Variants in MECOM observed in about 807,000 individuals in gnomAD.
The protein encoded by MECOM is histone-lysine N-methyltransferase MECOM.
MECOM carries 13 observed loss-of-function variants against 116.3 expected under a neutral mutation model. The observed-to-expected ratio is 0.11, with a 90% CI of 0.07 to 0.18. MECOM has a LOEUF of 0.18. MECOM is among the 10% of genes least tolerant of loss of function. MECOM has a pLI of 1.00. For synonymous variants in MECOM, 528 were observed against 535.2 expected, an observed-to-expected ratio of 0.99 and a Z score of 0.19; for missense variants, 1,299 against 1,509.0, an observed-to-expected ratio of 0.86 and a Z score of 2.31.
chr3:169,433,670 AAAG>A (rs1470026499), intron 1 of MECOM, among the ~76,000 whole-genome samples: 5 of 147,664 alleles, frequency 3.4e-5, no homozygotes, highest in African/African-American at 1.3e-4. Flanking sequence ...AGAAAGAAAG[AAAG>A]AAAGAAAGAA....
chr3:169,451,603 C>A (rs1745612157), intron 1 of MECOM, among the ~76,000 whole-genome samples: 1 of 152,034 alleles, frequency 6.6e-6, no homozygotes, highest in African/African-American at 2.4e-5. Context: ...CTTAGAAGTT[C>A]CAGATAGTGA....
chr3:169,367,899 C>T (rs773020546), intron 2 of MECOM, among the ~76,000 whole-genome samples: 1 of 151,980 alleles, frequency 6.6e-6, no homozygotes, highest in Non-Finnish European at 1.5e-5. Flanking sequence ...GTCATGTGGA[C>T]CCAGCTCACA....
At chr3:169,258,201 CAGAG>C (rs1467524157) in intron 2 of MECOM, among the ~76,000 whole-genome samples, 3 of 151,616 alleles carry the variant, frequency 2.0e-5, no homozygotes, top group African/African-American at 4.8e-5. Flanking sequence ...GCCTGGGTGA[CAGAG>C]AAAGACTCCA....
At chr3:169,154,096 C>G (rs989408689) in intron 2 of MECOM, among the ~76,000 whole-genome samples, 1 of 151,958 alleles carries the variant, frequency 6.6e-6, no homozygotes, top group Non-Finnish European at 1.5e-5. Flanking sequence ...TGAAGATGTC[C>G]GTCTCTGTCT....
chr3:169,520,229 T>C (rs77326755), intron 1 of MECOM, among the ~76,000 whole-genome samples: 3,004 of 152,328 alleles, frequency 0.02, 33 homozygotes, highest in Middle Eastern at 0.037. Flanking sequence ...AAGCCAAATG[T>C]TCCCTGAAAC....
At chr3:169,160,141 A>AT (rs1324155014) in intron 2 of MECOM, among the ~76,000 whole-genome samples, 1 of 152,140 alleles carries the variant, frequency 6.6e-6, no homozygotes, top group Non-Finnish European at 1.5e-5. Context: ...TCAGGCAGCA[A>AT]TTTGCTTCTG....
chr3:169,328,691 T>C (rs753607970), intron 2 of MECOM, among the ~76,000 whole-genome samples: 1 of 152,142 alleles, frequency 6.6e-6, no homozygotes, highest in African/African-American at 2.4e-5. Flanking sequence ...TCTACTAGTG[T>C]CTAGTAGCTT....
intron 13 of MECOM, among the ~76,000 whole-genome samples, chr3:169,094,020 T>C (rs1720709491): frequency 6.6e-6 from 1 of 152,184 alleles, no homozygotes; most frequent in African/African-American, 2.4e-5. Context: ...TTGTATGCTA[T>C]AAGGGTACAC....
intron 1 of MECOM, among the ~76,000 whole-genome samples, chr3:169,648,736 A>G (rs1577277262): frequency 6.6e-6 from 1 of 152,332 alleles, no homozygotes; most frequent in East Asian, 1.9e-4. Flanking sequence ...AGAAAATCAC[A>G]TGCCAGCCTG....
At chr3:169,373,227 C>A (rs750769522) in intron 2 of MECOM, among the ~76,000 whole-genome samples, 1 of 151,946 alleles carries the variant, frequency 6.6e-6, no homozygotes, top group African/African-American at 2.4e-5. Flanking sequence ...TTTAAAGTTT[C>A]TCTTGGTTGG....
At chr3:169,102,664 A>C (rs992174260) in intron 10 of MECOM, among the ~76,000 whole-genome samples, 1 of 152,200 alleles carries the variant, frequency 6.6e-6, no homozygotes, top group Non-Finnish European at 1.5e-5. Context: ...TCCCAAGAAA[A>C]GAACTGAAAG....
intron 1 of MECOM, among the ~76,000 whole-genome samples, chr3:169,629,634 C>T (rs558047924): frequency 2.6e-5 from 4 of 152,320 alleles, no homozygotes; most frequent in South Asian, 2.1e-4. Flanking sequence ...TGTAAGGGAA[C>T]GTGCATGTAG....
intron 1 of MECOM, among the ~76,000 whole-genome samples, chr3:169,604,337 G>A (rs764290025): frequency 2.0e-5 from 3 of 151,580 alleles, no homozygotes; most frequent in Non-Finnish European, 2.9e-5. Context: ...AGGGGATGCC[G>A]AGGAGTACAA....
chr3:169,360,023 A>G (rs376987629), intron 2 of MECOM, among the ~76,000 whole-genome samples: 43 of 151,850 alleles, frequency 2.8e-4, no homozygotes, highest in African/African-American at 1.0e-3. Context: ...AGAGCCTCCT[A>G]TAACTGGTCT....
At chr3:169,263,479 C>T (rs1300750937) in intron 2 of MECOM, among the ~76,000 whole-genome samples, 1 of 151,510 alleles carries the variant, frequency 6.6e-6, no homozygotes, top group Non-Finnish European at 1.5e-5. Flanking sequence ...AACAGGAACT[C>T]CTAGGTGTGA....
At chr3:169,515,666 C>T (rs1756533465) in intron 1 of MECOM, among the ~76,000 whole-genome samples, 1 of 151,990 alleles carries the variant, frequency 6.6e-6, no homozygotes, top group South Asian at 2.1e-4. Flanking sequence ...TATATATGGG[C>T]CTAACAATTT....
chr3:169,351,713 A>G (rs1310072100), intron 2 of MECOM, among the ~76,000 whole-genome samples: 1 of 151,870 alleles, frequency 6.6e-6, no homozygotes, highest in Non-Finnish European at 1.5e-5. Flanking sequence ...CCAGAACCTG[A>G]CGCCTTGTCA....
chr3:169,518,805 G>T (rs1194923535), intron 1 of MECOM, among the ~76,000 whole-genome samples: 4 of 152,134 alleles, frequency 2.6e-5, no homozygotes, highest in African/African-American at 9.7e-5. Flanking sequence ...TCTCATGATA[G>T]TGAGATCAGT....
chr3:169,403,164 C>T (rs549016008), intron 1 of MECOM, among the ~76,000 whole-genome samples: 10 of 152,306 alleles, frequency 6.6e-5, no homozygotes, highest in African/African-American at 1.9e-4. Flanking sequence ...ACTCTAAATC[C>T]CCAGAGCACA....
Sources: gnomAD v4.1 joint callset for allele counts (sites outside exome capture counted in the v4.1 genomes callset) on GRCh38, gnomAD v4.1.1 for gene constraint, MANE v1.5 for transcripts, NCBI Gene and HGNC (gene_info 2026-07-23, HGNC 2026-07-21) for gene names.